Variants in LHFPL1 observed in about 807,000 individuals in gnomAD.
LHFPL1 encodes LHFPL tetraspan subfamily member 1 protein.
Under a neutral mutation model 12.1 loss-of-function variants are expected in LHFPL1, and 4 were observed. That is an observed-to-expected ratio of 0.33 (90% CI 0.16 to 0.76). The LOEUF is 0.76. LHFPL1 is among the 30% of genes least tolerant of loss of function. The pLI, the probability that LHFPL1 is intolerant of heterozygous loss-of-function variation, is 0.61. For missense variants in LHFPL1, 141 were observed against 174.1 expected, an observed-to-expected ratio of 0.81 and a Z score of 1.07; for synonymous variants, 52 against 61.9, an observed-to-expected ratio of 0.84 and a Z score of 0.75.
chrX:112,666,681 C>T (rs2051818465), intron 2 of LHFPL1, among the ~76,000 whole-genome samples: 1 of 111,621 alleles, frequency 9.0e-6, no homozygotes, highest in African/African-American at 3.3e-5. Flanking sequence ...GTAGTGAGTA[C>T]ATCTGAAATA....
chrX:112,661,775 T>A (rs1185518304), intron 2 of LHFPL1: 1 of 112,211 alleles, frequency 8.9e-6, no homozygotes, highest in Non-Finnish European at 1.9e-5. Flanking sequence ...TGTTTAAAAA[T>A]GGAGGGGAAA....
At chrX:112,654,804 G>T (rs1865211375) in intron 3 of LHFPL1, among the ~76,000 whole-genome samples, 1 of 111,299 alleles carries the variant, frequency 9.0e-6, no homozygotes, top group African/African-American at 3.3e-5. Context: ...ATCCATTGTT[G>T]TATGACAGAC....
intron 3 of LHFPL1, among the ~76,000 whole-genome samples, chrX:112,659,393 G>C (rs1318855259): frequency 9.0e-6 from 1 of 110,995 alleles, no homozygotes; most frequent in South Asian, 3.9e-4. Flanking sequence ...CTGGGAGGCA[G>C]AGGTTGTAAT....
At chrX:112,637,802 A>G (rs1219532825) in intron 3 of LHFPL1, among the ~76,000 whole-genome samples, 1 of 112,158 alleles carries the variant, frequency 8.9e-6, no homozygotes, top group Non-Finnish European at 1.9e-5. Flanking sequence ...GAATAGGGCT[A>G]GATGAAATGT....
chrX:112,675,783 C>T (rs1254075242), intron 1 of LHFPL1, among the ~76,000 whole-genome samples: 1 of 111,725 alleles, frequency 9.0e-6, no homozygotes, highest in Non-Finnish European at 1.9e-5. Context: ...TAGCACAATC[C>T]GTGGACAGCA....
chrX:112,675,857 A>C (rs1931640733), intron 1 of LHFPL1, among the ~76,000 whole-genome samples: 1 of 112,665 alleles, frequency 8.9e-6, no homozygotes, highest in Admixed American at 9.4e-5. Context: ...AACAATATAA[A>C]GTTAAAAGTG....
intron 3 of LHFPL1, among the ~76,000 whole-genome samples, chrX:112,639,692 TA>T (rs752111459): frequency 8.9e-6 from 1 of 112,602 alleles, no homozygotes; most frequent in East Asian, 2.8e-4. Flanking sequence ...CTGTATTGCT[TA>T]TTTATATCAC....
intron 3 of LHFPL1, among the ~76,000 whole-genome samples, chrX:112,646,976 T>C (rs953657187): frequency 3.0e-4 from 34 of 111,949 alleles, no homozygotes; most frequent in African/African-American, 1.1e-3. Flanking sequence ...TGTGTGACCT[T>C]ACACAAGTCA....
intron 3 of LHFPL1, among the ~76,000 whole-genome samples, chrX:112,651,902 T>C (rs1930864129): frequency 8.9e-6 from 1 of 112,333 alleles, no homozygotes; most frequent in Admixed American, 9.4e-5. Flanking sequence ...AAATACAAAG[T>C]CCTTATATTC....
chrX:112,651,413 C>T (rs1444297883), intron 3 of LHFPL1, among the ~76,000 whole-genome samples: 1 of 111,862 alleles, frequency 8.9e-6, no homozygotes, highest in Non-Finnish European at 1.9e-5. Flanking sequence ...CTTTAAACAT[C>T]ATCTATGTAC....
intron 1 of LHFPL1, among the ~76,000 whole-genome samples, chrX:112,673,013 T>C (rs1027489053): frequency 9.0e-6 from 1 of 111,656 alleles, no homozygotes; most frequent in Non-Finnish European, 1.9e-5. Context: ...CCAGTACTTT[T>C]CTACCACACA....
rs370162233 is a variant in LHFPL1 at position 112,631,592 on chromosome X, C to T, written c.491G>A (p.Arg164Gln). The T allele has an allele frequency of 4.4e-5, 52 of 1,191,848 alleles. No homozygotes were observed. Among genetic ancestry groups the T allele is most frequent in the Non-Finnish European group, 5.9e-5 (52 of 882,210 alleles). The change falls in exon 4 of 4, where the codon CGG (arginine) becomes CAG (glutamine). Residue 164 changes from arginine to glutamine, a missense_variant. Coordinates refer to ENST00000371968, the MANE Select transcript of LHFPL1 (RefSeq NM_178175.4). ...VSNQFQLGTC[R>Q]LGWAYYCAGG... ...AGCACAGTAATAGGCCCAGCCAAGC[C>T]GACAGGTACCTGTGAGAACAGGGAC... is the stretch of plus-strand genomic sequence containing the variant.
At chrX:112,636,703 G>A (rs943904158) in intron 3 of LHFPL1, among the ~76,000 whole-genome samples, 2 of 111,956 alleles carry the variant, frequency 1.8e-5, no homozygotes, top group African/African-American at 6.5e-5. Flanking sequence ...TTGAATAAAT[G>A]TTTTAACTCC....
chrX:112,666,640 T>C (rs989877963), intron 2 of LHFPL1, among the ~76,000 whole-genome samples: 2 of 112,058 alleles, frequency 1.8e-5, no homozygotes, highest in Admixed American at 9.5e-5. Flanking sequence ...AGGCTTCAGC[T>C]ATATTGCTAA....
chrX:112,670,186 T>C lies in LHFPL1; in HGVS notation c.382+823A>G, dbSNP rs140606598. ...TCAGCAGTAGATTCTACCAGCACTT[T>C]TTCCCAGTGCCCAATCTAGGTTTTG... On this transcript the variant is annotated intron_variant, in intron 2 of 3. Coordinates refer to ENST00000371968, the MANE Select transcript of LHFPL1 (RefSeq NM_178175.4). Among the ~76,000 whole-genome samples, 1,028 of 112,791 alleles carry C rather than the reference T, an allele frequency of 9.1e-3. 12 individuals carry two copies. The highest frequency in any genetic ancestry group is 0.032 in the African/African-American group (984 of 31,064).
At chrX:112,638,488 A>G (rs917158833) in intron 3 of LHFPL1, among the ~76,000 whole-genome samples, 3 of 111,129 alleles carry the variant, frequency 2.7e-5, no homozygotes, top group African/African-American at 9.8e-5. Flanking sequence ...TTGATAGAGT[A>G]GGGTGTGAGG....
At chrX:112,664,985 T>TG (rs747740579) in intron 2 of LHFPL1, among the ~76,000 whole-genome samples, 11 of 111,562 alleles carry the variant, frequency 9.9e-5, no homozygotes, top group Non-Finnish European at 1.7e-4. Flanking sequence ...GGACGTATCT[T>TG]GTCCTGGTAC....
At chrX:112,638,948 G>A (rs1180300831) in intron 3 of LHFPL1, among the ~76,000 whole-genome samples, 1 of 111,525 alleles carries the variant, frequency 9.0e-6, no homozygotes, top group East Asian at 2.8e-4. Flanking sequence ...ATGTTAGCAA[G>A]AAAAGTAGGG....
intron 2 of LHFPL1, among the ~76,000 whole-genome samples, chrX:112,661,320 T>C (rs1479306010): frequency 9.0e-6 from 1 of 111,311 alleles, no homozygotes; most frequent in African/African-American, 3.3e-5. Flanking sequence ...GGCCCTTTTA[T>C]TTAGGTTTTT....
Sources: gnomAD v4.1 joint callset for allele counts (sites outside exome capture counted in the v4.1 genomes callset) on GRCh38, gnomAD v4.1.1 for gene constraint, MANE v1.5 for transcripts, NCBI Gene and HGNC (gene_info 2026-07-23, HGNC 2026-07-21) for gene names.